Variants in TEX14 observed in about 807,000 individuals in gnomAD.
The protein encoded by TEX14 is inactive serine/threonine-protein kinase TEX14.
In TEX14, 168 loss-of-function variants were observed where a neutral mutation model predicts 178.6. That is an observed-to-expected ratio of 0.94 (90% CI 0.83 to 1.07). The LOEUF is 1.07. TEX14 is among the 50% of genes least tolerant of loss of function. The pLI is 0.00. For missense variants in TEX14, 1,730 were observed against 1,753.6 expected (o/e 0.99, Z 0.24); for synonymous variants, 626 against 634.1 (o/e 0.99, Z 0.19).
intron 11 of TEX14, among the ~76,000 whole-genome samples, chr17:58,603,430 T>C (rs920046043): frequency 6.6e-6 from 1 of 151,292 alleles, no homozygotes; most frequent in African/African-American, 2.4e-5. Context: ...GGCGAGCACA[T>C]GTAATCTCAG....
chr17:58,659,618 A>G (rs1279423174), intron 1 of TEX14, among the ~76,000 whole-genome samples: 1 of 152,232 alleles, frequency 6.6e-6, no homozygotes, highest in East Asian at 1.9e-4. Flanking sequence ...AGGATTCAAA[A>G]GAAATCGCAT....
chr17:58,666,574 A>G (rs1188300793), intron 1 of TEX14: 4 of 151,914 alleles, frequency 2.6e-5, no homozygotes, highest in Non-Finnish European at 5.9e-5. Flanking sequence ...GCTACCACAA[A>G]TTATACACTG....
chr17:58,605,117 A>C lies in TEX14; in HGVS notation c.1197T>G (p.Gly399=), dbSNP rs938729074. ...GCACTCGAGTCAGGTCCCTCTGTAC[A>C]CCTCTGTCCTCGCTACGGAAGGAAA... ...LEYMLESEDR[G]VQRDLTRVPL... is the part of the protein sequence containing the mutation. Residue 399 remains glycine, a synonymous_variant, in exon 11 of 32, where the codon GGT becomes GGG. Transcript: ENST00000349033. 16 of 1,613,874 alleles carry C rather than the reference A, an allele frequency of 9.9e-6. No homozygotes were observed. Among genetic ancestry groups the C allele is most frequent in the Non-Finnish European group, 1.4e-5 (16 of 1,179,954 alleles).
intron 26 of TEX14, among the ~76,000 whole-genome samples, chr17:58,566,475 T>C (rs1309805002): frequency 2.6e-5 from 4 of 152,170 alleles, no homozygotes; most frequent in Admixed American, 2.6e-4. Flanking sequence ...TATTCACCTA[T>C]ATTTCATACT....
At chr17:58,587,818 C>G in intron 16 of TEX14, 78 bp downstream of exon 16, 1 of 1,325,626 alleles carries the variant, frequency 7.5e-7, no homozygotes, top group Non-Finnish European at 1.1e-6. Flanking sequence ...GCACTGACCC[C>G]TTTGCACCAG....
At chr17:58,567,076 AGAATTGCTT>A in intron 26 of TEX14, among the ~76,000 whole-genome samples, 1 of 152,264 alleles carries the variant, frequency 6.6e-6, no homozygotes, top group Non-Finnish European at 1.5e-5. Context: ...CTGAGGCAGG[AGAATTGCTT>A]GAACCCTGGA....
At chr17:58,668,028 T>G (rs537206888) in intron 1 of TEX14, among the ~76,000 whole-genome samples, 1 of 152,274 alleles carries the variant, frequency 6.6e-6, no homozygotes, top group South Asian at 2.1e-4. Flanking sequence ...CTAAGTCAAT[T>G]TAGCTGAAAC....
intron 22 of TEX14, among the ~76,000 whole-genome samples, chr17:58,573,726 C>T (rs944708367): frequency 6.6e-6 from 1 of 152,076 alleles, no homozygotes; most frequent in Non-Finnish European, 1.5e-5. Context: ...ACCATGTTGG[C>T]CAGGCTGGTC....
intron 21 of TEX14, 148 bp from the exon 22 acceptor site, chr17:58,574,397 G>A: frequency 1.6e-6 from 1 of 640,902 alleles, no homozygotes; most frequent in Non-Finnish European, 2.7e-6. Flanking sequence ...TGAGTTCTGT[G>A]CCAGGCACGT....
At chr17:58,562,693 T>C (rs979533269) in intron 28 of TEX14, among the ~76,000 whole-genome samples, 4 of 151,922 alleles carry the variant, frequency 2.6e-5, no homozygotes, top group African/African-American at 9.7e-5. Flanking sequence ...ATAATTTTAG[T>C]AGAGACGGGG....
intron 1 of TEX14, among the ~76,000 whole-genome samples, chr17:58,678,431 T>C (rs2047430854): frequency 1.3e-5 from 2 of 152,090 alleles, no homozygotes; most frequent in East Asian, 3.9e-4. Context: ...AACCCAAATG[T>C]CCATCAATGA....
chr17:58,562,538 T>C (rs2044293565), intron 28 of TEX14, among the ~76,000 whole-genome samples: 1 of 151,912 alleles, frequency 6.6e-6, no homozygotes, highest in Admixed American at 6.6e-5. Flanking sequence ...ACAGTCTCGC[T>C]CTGTCGCCCA....
At chr17:58,688,718 C>T (rs1432093080) in intron 1 of TEX14, among the ~76,000 whole-genome samples, 2 of 151,996 alleles carry the variant, frequency 1.3e-5, no homozygotes, top group Non-Finnish European at 1.5e-5. Flanking sequence ...TGTGTGACTC[C>T]GCAGCCCATG....
chr17:58,571,933 T>C lies in TEX14; in HGVS notation c.3705A>G (p.Arg1235=). The C allele has an allele frequency of 6.2e-7, 1 of 1,613,962 alleles. No homozygotes were observed. The highest frequency in any genetic ancestry group is 8.5e-7 in the Non-Finnish European group (1 of 1,179,956). Reference sequence around the variant, plus strand: ...TTGATATACTTACAAGACCAGTCAGTCTTGAAGGGGGAGTTTCAGAGGAAG... The same window carrying C: ...TTGATATACTTACAAGACCAGTCAGCCTTGAAGGGGGAGTTTCAGAGGAAG... ...LLTSSETPPS[R]LTGLKRLSSF... Residue 1235 remains arginine (R), a synonymous_variant, in exon 24 of 32, where the codon AGA becomes AGG. Transcript: ENST00000349033.
chr17:58,621,674 G>T lies in TEX14; in HGVS notation c.530C>A (p.Ser177Tyr). The T allele has an allele frequency of 6.2e-7, 1 of 1,614,074 alleles. No individual in the cohort carries two copies. Among genetic ancestry groups the T allele is most frequent in the Non-Finnish European group, 8.5e-7 (1 of 1,179,972 alleles). ...CCCCTGCACGAGGCCCCCACACCAG[G>T]ACGGGCTGTAGACAAGCCGCTGCGG... ...DSPQRLVYSPSWCGGLVQGNP... is the reference protein window; with the variant it reads ...DSPQRLVYSPYWCGGLVQGNP... The change falls in exon 5 of 32, where the codon TCC becomes TAC. Residue 177 changes from serine to tyrosine, a missense_variant. Coordinates refer to ENST00000349033, the MANE Select transcript of TEX14 (RefSeq NM_031272.5).
At chr17:58,567,686 C>G (rs2044430865) in intron 26 of TEX14, 1 of 152,210 alleles carries the variant, frequency 6.6e-6, no homozygotes, top group Admixed American at 6.5e-5. Context: ...TCAGAAGAAA[C>G]TACTCAAGTG....
intron 28 of TEX14, among the ~76,000 whole-genome samples, chr17:58,562,617 G>A (rs2144330685): frequency 6.6e-6 from 1 of 152,070 alleles, no homozygotes; most frequent in South Asian, 2.1e-4. Flanking sequence ...CGATTCTCCT[G>A]CCTCAACCTC....
chr17:58,605,174 C>A lies in TEX14; in HGVS notation c.1185-45G>T, dbSNP rs1335077093. On this transcript the variant is annotated intron_variant, in intron 10 of 31. Transcript: ENST00000349033. ...AGTCAGCGCTCATGCCTTAAAGGGT[C>A]TTTTATTCATTCATTCATTCATTCA... 5 of 1,580,386 alleles carry A rather than the reference C, an allele frequency of 3.2e-6. No individual in the cohort carries two copies. In the African/African-American group the frequency reaches 5.5e-5, roughly 17 times the overall value.
intron 5 of TEX14, among the ~76,000 whole-genome samples, chr17:58,621,069 C>G (rs2045986856): frequency 2.0e-5 from 3 of 152,128 alleles, no homozygotes; most frequent in African/African-American, 4.8e-5. Context: ...ACATACAAAC[C>G]CTAAGTCAAC....
Sources: gnomAD v4.1 joint callset for allele counts (sites outside exome capture counted in the v4.1 genomes callset) on GRCh38, gnomAD v4.1.1 for gene constraint, MANE v1.5 for transcripts, NCBI Gene and HGNC (gene_info 2026-07-23, HGNC 2026-07-21) for gene names.